The following GRIK5 variants were observed in gnomAD, a reference collection of about 807,000 sequenced individuals.
GRIK5 encodes the protein glutamate receptor ionotropic, kainate 5.
GRIK5 carries 43 observed loss-of-function variants against 97.4 expected under a neutral mutation model. That is an observed-to-expected ratio of 0.44 (90% CI 0.35 to 0.57). The LOEUF (loss-of-function observed/expected upper bound fraction) is 0.57. GRIK5 is among the 20% of genes least tolerant of loss of function. The pLI is 0.01. For missense variants in GRIK5, 1,015 were observed against 1,382.0 expected (o/e 0.73, Z 4.21); for synonymous variants, 580 against 583.5 (o/e 0.99, Z 0.09).
At chr19:42,036,956 A>G (rs1365113636) in intron 12 of GRIK5, among the ~76,000 whole-genome samples, 1 of 152,192 alleles carries the variant, frequency 6.6e-6, no homozygotes, top group Non-Finnish European at 1.5e-5. Context: ...AGGAGACACT[A>G]AGGCTCAGAG....
rs773970300 is a variant in GRIK5 at position 42,053,939 on chromosome 19, T to G, written c.1057-10A>C. 1.3e-5 allele frequency: 21 copies of G among 1,585,086 alleles called. No individual in the cohort carries two copies. The highest frequency in any genetic ancestry group is 6.7e-5 in the South Asian group (6 of 90,208). On this transcript the variant is annotated splice_polypyrimidine_tract_variant and intron_variant, in intron 9 of 19. Coordinates refer to ENST00000593562, the MANE Select transcript of GRIK5 (RefSeq NM_002088.5). ...GCCCATCATACTCTACCTGGCAGGG[T>G]GGGGAGGTGGGGCAGAGGGAGAGTG...
chr19:42,054,613 G>T (rs932441447), intron 8 of GRIK5, 141 bp from the exon 9 acceptor site: 1 of 871,406 alleles, frequency 1.1e-6, no homozygotes, highest in Non-Finnish European at 1.7e-6. Flanking sequence ...GGTCAGGAGT[G>T]AGGAAGTGGC....
At chr19:42,005,596 A>G (rs1393858085) in intron 17 of GRIK5, 127 bp downstream of exon 17, 2 of 669,340 alleles carry the variant, frequency 3.0e-6, no homozygotes, top group Non-Finnish European at 5.4e-6. Context: ...CCAAGACCAT[A>G]CAGCCAGGAG....
intron 8 of GRIK5, among the ~76,000 whole-genome samples, chr19:42,056,278 C>T (rs1034837865): frequency 1.3e-5 from 2 of 152,178 alleles, no homozygotes; most frequent in Non-Finnish European, 2.9e-5. Flanking sequence ...GCCACCGCGC[C>T]GGGCCAAGTT....
At position 42,006,226 on chromosome 19, in the gene GRIK5, C is replaced by A. The variant is rs1375397014; in HGVS notation, c.2038-278G>T. ...TTAACCCTCCAGCCGGTGGCCGCTGCCCAACTCAGGCCTCCTTTAGACCAC... is the reference window on the plus strand; with the variant it reads ...TTAACCCTCCAGCCGGTGGCCGCTGACCAACTCAGGCCTCCTTTAGACCAC... On this transcript the variant is annotated intron_variant, in intron 16 of 19. Coordinates refer to ENST00000593562, the MANE Select transcript of GRIK5 (RefSeq NM_002088.5). The surrounding 1 kb of genome is among the most constrained non-coding windows in gnomAD (Gnocchi z 5.3). Among the ~76,000 whole-genome samples, 1 of 152,080 alleles carries A rather than the reference C, an allele frequency of 6.6e-6. No homozygotes were observed.
In GRIK5 at chr19:42,021,052, G is replaced by A. The variant is rs375441428; in HGVS notation, c.1871+249C>T. On this transcript the variant is annotated intron_variant, in intron 15 of 19. Coordinates refer to ENST00000593562, the MANE Select transcript of GRIK5 (RefSeq NM_002088.5). This position sits in a 1 kb window ranked among gnomAD's most constrained non-coding sequence, Gnocchi z 4.2. The stretch of plus-strand genomic sequence containing the variant: ...CTGAATCCTCACAACCCTGAGACAT[G>A]GGCATCTTTCTCCCCATCTTTCAGG... Among the ~76,000 whole-genome samples the A allele has an allele frequency of 2.7e-4, 41 of 152,208 alleles. 2 individuals carry two copies. The South Asian group carries it at 8.1e-3, about 30-fold the overall frequency.
intron 11 of GRIK5, among the ~76,000 whole-genome samples, chr19:42,052,532 C>T (rs558368811): frequency 4.6e-5 from 7 of 152,188 alleles, no homozygotes; most frequent in Admixed American, 1.3e-4. Context: ...AACTGCTCTG[C>T]GACTCACTGC....
At chr19:42,047,990 A>G (rs2076064812) in intron 11 of GRIK5, among the ~76,000 whole-genome samples, 1 of 151,602 alleles carries the variant, frequency 6.6e-6, no homozygotes, top group Non-Finnish European at 1.5e-5. Flanking sequence ...AAAAAAAAAA[A>G]AAGAAAAAAA....
chr19:42,062,937 C>T lies in GRIK5; in HGVS notation c.245-82G>A, dbSNP rs1599852128. 3.8e-6 allele frequency: 4 copies of T among 1,045,344 alleles called. No homozygotes were observed. In the East Asian group the frequency reaches 9.7e-5, roughly 25 times the overall value. 64.8% of individuals were successfully genotyped at this position (1,045,344 alleles called of 1,614,324 possible). A position where few individuals can be genotyped will look rare whatever the true frequency, so the allele number is the denominator to read the frequency against. On this transcript the variant is annotated intron_variant, in intron 3 of 19. Transcript: ENST00000593562. The surrounding 1 kb of genome is among the most constrained non-coding windows in gnomAD (Gnocchi z 5.3). ...CCCATCCCTCAGGGAGCCGCCATGG[C>T]CCAGGAGAGGATCAGACACTGGCAA...
chr19:42,066,629 T>G (rs2076336657), intron 1 of GRIK5, among the ~76,000 whole-genome samples: 1 of 143,372 alleles, frequency 7.0e-6, no homozygotes, highest in African/African-American at 2.6e-5. Flanking sequence ...AAAATGGGGG[T>G]AGAAATGGAG....
Position 42,022,755 on chromosome 19 carries a change from G to A in GRIK5, c.1474-401C>T, listed in dbSNP as rs1474677948. 1.3e-6 allele frequency: 1 copy of A among 750,736 alleles called. No individual in the cohort carries two copies. The highest frequency in any genetic ancestry group is 1.9e-5 in the African/African-American group (1 of 52,512). The allele number at this position is 750,736 out of a possible 1,614,324, so 46.5% of individuals were successfully genotyped here. A position where few individuals can be genotyped will look rare whatever the true frequency, so the allele number is the denominator to read the frequency against. On this transcript the variant is annotated intron_variant, in intron 12 of 19. Coordinates refer to ENST00000593562, the MANE Select transcript of GRIK5 (RefSeq NM_002088.5). This position sits in a 1 kb window ranked among gnomAD's most constrained non-coding sequence, Gnocchi z 4.2. ...AATACAGGCCCGGACAGAACACAGAGCAGGGAGAGAGGAGGCAGGGCCCAG... is the reference window on the plus strand; with the variant it reads ...AATACAGGCCCGGACAGAACACAGAACAGGGAGAGAGGAGGCAGGGCCCAG...
intron 15 of GRIK5, among the ~76,000 whole-genome samples, chr19:42,019,696 G>A (rs547317456): frequency 1.1e-4 from 17 of 152,332 alleles, no homozygotes; most frequent in African/African-American, 3.1e-4. Flanking sequence ...TAGAGAGAGA[G>A]ATTTGTGGAT....
Position 42,065,469 on chromosome 19 carries a change from G to C in GRIK5, c.80-82C>G. On this transcript the variant is annotated intron_variant, in intron 2 of 19. Coordinates refer to ENST00000593562, the MANE Select transcript of GRIK5 (RefSeq NM_002088.5). This position sits in a 1 kb window ranked among gnomAD's most constrained non-coding sequence, Gnocchi z 5.8. ...TGTGGTCTTAGACTCCAGGGCTCTAGGGTGAGGTGGGTATACGGACCAGGG... is the reference window on the plus strand; with the variant it reads ...TGTGGTCTTAGACTCCAGGGCTCTACGGTGAGGTGGGTATACGGACCAGGG... The C allele has an allele frequency of 7.2e-7, 1 of 1,389,784 alleles. No individual in the cohort carries two copies. 86.1% of individuals were successfully genotyped at this position (1,389,784 alleles called of 1,614,324 possible). A position where few individuals can be genotyped will look rare whatever the true frequency, so the allele number is the denominator to read the frequency against.
intron 6 of GRIK5, 89 bp downstream of exon 6, chr19:42,059,260 T>C (rs1205806128): frequency 1.0e-6 from 1 of 984,694 alleles, no homozygotes; most frequent in East Asian, 2.4e-5. Flanking sequence ...CCCTTTTGAC[T>C]CCTGAGGCCC....
Position 42,042,906 on chromosome 19 carries a change from T to G in GRIK5, c.1270-151A>C. 1.6e-6 allele frequency: 1 copy of G among 645,028 alleles called. No individual in the cohort carries two copies. Among genetic ancestry groups the G allele is most frequent in the Non-Finnish European group, 2.7e-6 (1 of 373,232 alleles). The allele number at this position is 645,028 out of a possible 1,614,324, so 40.0% of individuals were successfully genotyped here. A position where few individuals can be genotyped will look rare whatever the true frequency, so the allele number is the denominator to read the frequency against. On this transcript the variant is annotated intron_variant, in intron 11 of 19. Transcript: ENST00000593562. The surrounding 1 kb of genome is among the most constrained non-coding windows in gnomAD (Gnocchi z 6.9). ...GTACACATTTCTCACTTACAAATGC[T>G]CAGAGTGGGGAATAGACCTGAAAGC...
intron 11 of GRIK5, among the ~76,000 whole-genome samples, chr19:42,048,650 A>G (rs944887754): frequency 6.6e-6 from 1 of 151,804 alleles, no homozygotes; most frequent in African/African-American, 2.4e-5. Flanking sequence ...TAAAAAATAA[A>G]AAATAACTCA....
At position 42,065,675 on chromosome 19, in the gene GRIK5, G is replaced by A; in HGVS notation, c.79+17C>T. ...CAGGGCCTGAGGATGCAGGGGCAGG[G>A]TGCGGGAGGGCCTCACCCATGCGCA... On this transcript the variant is annotated intron_variant, in intron 2 of 19. Transcript: ENST00000593562. This position sits in a 1 kb window ranked among gnomAD's most constrained non-coding sequence, Gnocchi z 5.8. 1 of 1,559,472 alleles carries A rather than the reference G, an allele frequency of 6.4e-7. No homozygotes were observed. The highest frequency in any genetic ancestry group is 1.4e-5 in the African/African-American group (1 of 73,448).
In GRIK5 at chr19:41,999,177, C is replaced by G. The variant is rs2075404606; in HGVS notation, c.2637G>C (p.Ala879=). Residue 879 remains alanine, a synonymous_variant, in exon 20 of 20, where the codon GCG becomes GCC. Coordinates refer to ENST00000593562, the MANE Select transcript of GRIK5 (RefSeq NM_002088.5). This position sits in a 1 kb window ranked among gnomAD's most constrained non-coding sequence, Gnocchi z 5.0. The part of the protein sequence containing the change: ...GPSRALLSLR[A]VREMRLSNGK... Reference sequence around the variant, plus strand: ...CGTTGCTGAGGCGCATCTCGCGGACCGCGCGCAGTGACAGCAGGGCCCGGC... The same window carrying G: ...CGTTGCTGAGGCGCATCTCGCGGACGGCGCGCAGTGACAGCAGGGCCCGGC... 1.8e-5 allele frequency: 27 copies of G among 1,509,178 alleles called. No individual in the cohort carries two copies. Among genetic ancestry groups the G allele is most frequent in the Non-Finnish European group, 2.3e-5 (26 of 1,136,934 alleles). 93.5% of individuals were successfully genotyped at this position (1,509,178 alleles called of 1,614,324 possible).
rs1216899907 is a variant in GRIK5, at chr19:41,999,289, C to T, written c.2525G>A (p.Cys842Tyr). 1.3e-6 allele frequency: 2 copies of T among 1,520,272 alleles called. No homozygotes were observed. Among genetic ancestry groups the T allele is most frequent in the Non-Finnish European group, 1.8e-6 (2 of 1,140,876 alleles). The allele number at this position is 1,520,272 out of a possible 1,614,324, so 94.2% of individuals were successfully genotyped here. The change falls in exon 20 of 20, where the codon TGC (cysteine) becomes TAC (tyrosine). Residue 842 changes from cysteine (C) to tyrosine (Y), a missense_variant. Cys to Tyr is a radical substitution (Grantham distance 194, BLOSUM62 -2). Coordinates refer to ENST00000593562, the MANE Select transcript of GRIK5 (RefSeq NM_002088.5). This position sits in a 1 kb window ranked among gnomAD's most constrained non-coding sequence, Gnocchi z 5.0. ...RSAESEEVSVCQEMLQELRHA... is the reference protein window; with the variant it reads ...RSAESEEVSVYQEMLQELRHA... The stretch of plus-strand genomic sequence containing the variant: ...GCGCAGCTCCTGCAGCATCTCCTGG[C>T]ACACCGACACCTGGGGGTGGCGCGG...
Sources: gnomAD v4.1 joint callset for allele counts (sites outside exome capture counted in the v4.1 genomes callset) on GRCh38, gnomAD v4.1.1 for gene constraint, Gnocchi (gnomAD v3.1) non-coding constraint, MANE v1.5 for transcripts, NCBI Gene and HGNC (gene_info 2026-07-23, HGNC 2026-07-21) for gene names.